Variants in PHF21B observed in about 807,000 individuals in gnomAD.
The protein encoded by PHF21B is PHD finger protein 21B.
A neutral mutation model predicts 62.2 loss-of-function variants in PHF21B; 22 were observed. The observed-to-expected ratio is 0.35, with a 90% CI of 0.25 to 0.51. The LOEUF (loss-of-function observed/expected upper bound fraction) is 0.51. Ranked by LOEUF, PHF21B falls within the 20% of genes least tolerant of loss-of-function variation. The probability of loss-of-function intolerance (pLI) is 0.97; values close to 1 mark genes in which losing one functional copy is unlikely to be tolerated. For synonymous variants in PHF21B, 341 were observed against 314.7 expected, an observed-to-expected ratio of 1.08 and a Z score of -0.88; for missense variants, 701 against 707.9, an observed-to-expected ratio of 0.99 and a Z score of 0.11.
chr22:44,960,486 C>G (rs1287428235), intron 2 of PHF21B, among the ~76,000 whole-genome samples: 1 of 152,188 alleles, frequency 6.6e-6, no homozygotes, highest in Non-Finnish European at 1.5e-5. Context: ...TGTCTGCACC[C>G]ATATTAAGGG....
At chr22:44,957,965 C>A (rs987388688) in intron 2 of PHF21B, among the ~76,000 whole-genome samples, 1 of 151,036 alleles carries the variant, frequency 6.6e-6, no homozygotes, top group East Asian at 1.9e-4. Context: ...TGCAATGGCG[C>A]GATCTCGGCT....
At chr22:45,008,837 G>A (rs1281763123) in intron 1 of PHF21B, 8 of 1,184,316 alleles carry the variant, frequency 6.8e-6, no homozygotes, top group Non-Finnish European at 8.4e-6. Context: ...GGCGGGGCGG[G>A]GGCCGAGGCC....
At position 44,912,588 on chromosome 22, in the gene PHF21B, T is replaced by C. The variant is rs191772970; in HGVS notation, c.831+1234A>G. The stretch of plus-strand genomic sequence containing the variant: ...ACTTGCTCCTCATCTTCCGCCATGA[T>C]TGTGAGGTTTCCCCAGCCATGTGGA... On this transcript the variant is annotated intron_variant, in intron 5 of 12. Transcript: ENST00000313237. Among the ~76,000 whole-genome samples the C allele has an allele frequency of 5.3e-5, 8 of 152,296 alleles. No homozygotes were observed. The East Asian group carries it at 1.5e-3, about 29-fold the overall frequency.
At chr22:44,889,929 C>T (rs2070931692) in intron 8 of PHF21B, 147 bp from the exon 9 acceptor site, 2 of 756,988 alleles carry the variant, frequency 2.6e-6, no homozygotes, top group Middle Eastern at 4.0e-4. Context: ...TACCTGGGCT[C>T]TCACCCCAGG....
intron 11 of PHF21B, 65 bp downstream of exon 11, chr22:44,885,798 C>A (rs2070846515): frequency 6.5e-7 from 1 of 1,527,340 alleles, no homozygotes; most frequent in Admixed American, 1.7e-5. Flanking sequence ...CCAGGTGAGC[C>A]CAGAGGCCTG....
intron 5 of PHF21B, among the ~76,000 whole-genome samples, chr22:44,903,678 CA>C (rs1213860244): frequency 6.6e-6 from 1 of 152,180 alleles, no homozygotes; most frequent in African/African-American, 2.4e-5. Flanking sequence ...TAGGTTGGTG[CA>C]AAGTAATTGC....
At chr22:44,987,166 G>A (rs1302140133) in intron 2 of PHF21B, among the ~76,000 whole-genome samples, 2 of 152,214 alleles carry the variant, frequency 1.3e-5, no homozygotes, top group Admixed American at 6.5e-5. Context: ...GGAGTAAAGA[G>A]ACCAGTCAGG....
At chr22:44,897,365 G>A (rs908646313) in intron 5 of PHF21B, among the ~76,000 whole-genome samples, 6 of 152,046 alleles carry the variant, frequency 3.9e-5, no homozygotes, top group African/African-American at 9.7e-5. Flanking sequence ...AAAATACCAC[G>A]GGATTAGGTA....
intron 2 of PHF21B, among the ~76,000 whole-genome samples, chr22:44,999,799 C>A (rs1157914582): frequency 1.3e-5 from 2 of 152,032 alleles, no homozygotes; most frequent in Non-Finnish European, 2.9e-5. Flanking sequence ...AGGCCCCCAA[C>A]CTCTCTGGGC....
intron 2 of PHF21B, among the ~76,000 whole-genome samples, chr22:44,943,231 G>A (rs555418552): frequency 1.1e-4 from 16 of 152,184 alleles, no homozygotes; most frequent in East Asian, 1.9e-4. Context: ...CCCTGAGCCC[G>A]TCCCCAGGAG....
chr22:44,951,493 C>T (rs1030681392), intron 2 of PHF21B, among the ~76,000 whole-genome samples: 6 of 152,216 alleles, frequency 3.9e-5, no homozygotes, highest in African/African-American at 7.2e-5. Flanking sequence ...AGTACCAGTC[C>T]ATGGCCCGGG....
chr22:44,966,853 T>C (rs1217334019), intron 2 of PHF21B, among the ~76,000 whole-genome samples: 1 of 152,148 alleles, frequency 6.6e-6, no homozygotes, highest in Non-Finnish European at 1.5e-5. Context: ...CTCGAGTTAG[T>C]GCATTATATA....
rs181807459 is a variant in PHF21B, at chr22:44,979,342, A to G, written c.120+29203T>C. Among the ~76,000 whole-genome samples, 567 of 152,302 alleles carry G rather than the reference A, an allele frequency of 3.7e-3. 1 individual carries two copies. Among genetic ancestry groups the G allele is most frequent in the Non-Finnish European group, 6.4e-3 (435 of 68,030 alleles). The stretch of plus-strand genomic sequence containing the variant: ...TGTGACACCAGGGAAAGAGCAGCCA[A>G]CACTCCAGAGGCTGTCGTGGTCTCT... On this transcript the variant is annotated intron_variant, in intron 2 of 12. Transcript: ENST00000313237.
At chr22:44,978,354 T>TG (rs1029184804) in intron 2 of PHF21B, among the ~76,000 whole-genome samples, 4 of 151,998 alleles carry the variant, frequency 2.6e-5, no homozygotes, top group African/African-American at 4.8e-5. Context: ...GTGATTTTGT[T>TG]TTTGTTTGTT....
chr22:44,941,720 G>A (rs1469374691), intron 2 of PHF21B, among the ~76,000 whole-genome samples: 1 of 152,198 alleles, frequency 6.6e-6, no homozygotes, highest in African/African-American at 2.4e-5. Flanking sequence ...ATGCTGGGCA[G>A]GGGGATACGG....
intron 2 of PHF21B, among the ~76,000 whole-genome samples, chr22:45,005,826 T>C (rs762131286): frequency 6.6e-6 from 1 of 152,218 alleles, no homozygotes; most frequent in Non-Finnish European, 1.5e-5. Context: ...TCTAAAAGAA[T>C]TCTACCTTTA....
rs543896231 is a variant in PHF21B, at chr22:44,925,817, C to T, written c.121-5327G>A. 3.9e-5 allele frequency among the ~76,000 whole-genome samples: 6 copies of T among 152,254 alleles called. No individual in the cohort carries two copies. The South Asian group carries it at 1.2e-3, about 32-fold the overall frequency. ...ACCTCGAACTCCACGACCAGTGTTC[C>T]CCCAACTTCCACAAAGCAAGGTGTG... is the stretch of plus-strand genomic sequence containing the variant. On this transcript the variant is annotated intron_variant, in intron 2 of 12. Transcript: ENST00000313237.
At position 44,967,650 on chromosome 22, in the gene PHF21B, G is replaced by A. The variant is rs147576649; in HGVS notation, c.120+40895C>T. On this transcript the variant is annotated intron_variant, in intron 2 of 12. Coordinates refer to ENST00000313237, the MANE Select transcript of PHF21B (RefSeq NM_138415.5). Reference sequence around the variant, plus strand: ...TCTGCGACTGTTAATGTCTGACACCGGCCTGGTGCATCTGCCTCCACTAGG... The same window carrying A: ...TCTGCGACTGTTAATGTCTGACACCAGCCTGGTGCATCTGCCTCCACTAGG... Among the ~76,000 whole-genome samples the A allele has an allele frequency of 2.1e-3, 319 of 152,258 alleles. 2 individuals are homozygous for A. The highest frequency in any genetic ancestry group is 7.5e-3 in the African/African-American group (312 of 41,532).
At chr22:44,981,714 G>A (rs1404267045) in intron 2 of PHF21B, among the ~76,000 whole-genome samples, 2 of 152,184 alleles carry the variant, frequency 1.3e-5, no homozygotes, top group Non-Finnish European at 2.9e-5. Context: ...TGGCTTTTCT[G>A]TGCCCCTTAA....
Sources: gnomAD v4.1 joint callset for allele counts (sites outside exome capture counted in the v4.1 genomes callset) on GRCh38, gnomAD v4.1.1 for gene constraint, MANE v1.5 for transcripts, NCBI Gene and HGNC (gene_info 2026-07-23, HGNC 2026-07-21) for gene names.